FAM135B: variants seen among roughly 807,000 people sequenced by gnomAD.
FAM135B encodes the protein protein FAM135B.
Under a neutral mutation model 127.7 loss-of-function variants are expected in FAM135B, and 43 were observed. The ratio of observed to expected loss-of-function variants is 0.34; its 90% CI spans 0.26 to 0.43. FAM135B has a LOEUF of 0.43. Among genes scored for constraint, FAM135B ranks in the 20% least tolerant of loss-of-function variants. The pLI is 1.00. For synonymous variants in FAM135B, 670 were observed against 665.1 expected, an observed-to-expected ratio of 1.01 and a Z score of -0.11; for missense variants, 1,558 against 1,725.6, an observed-to-expected ratio of 0.90 and a Z score of 1.72.
At chr8:138,223,139 G>T (rs75569723) in intron 7 of FAM135B, among the ~76,000 whole-genome samples, 2,832 of 152,230 alleles carry the variant, frequency 0.019, 74 homozygotes, top group African/African-American at 0.064. Context: ...CCGTTTTCTT[G>T]TTCCGAAATG....
chr8:138,218,297 T>C (rs1818726674), intron 7 of FAM135B, among the ~76,000 whole-genome samples: 1 of 152,190 alleles, frequency 6.6e-6, no homozygotes. Flanking sequence ...AGGAAAAAGA[T>C]GAGAGCTACC....
intron 3 of FAM135B, among the ~76,000 whole-genome samples, chr8:138,284,961 A>T (rs1824553816): frequency 6.6e-6 from 1 of 152,016 alleles, no homozygotes; most frequent in Non-Finnish European, 1.5e-5. Context: ...ACTTTAAAAA[A>T]ATAGTATTAA....
At chr8:138,334,561 A>G (rs1236044361) in intron 2 of FAM135B, among the ~76,000 whole-genome samples, 2 of 151,978 alleles carry the variant, frequency 1.3e-5, no homozygotes, top group Non-Finnish European at 2.9e-5. Context: ...ACCTTCCCAT[A>G]GGGCCCAGTG....
intron 15 of FAM135B, among the ~76,000 whole-genome samples, chr8:138,143,872 A>G (rs1247398585): frequency 6.6e-6 from 1 of 152,198 alleles, no homozygotes; most frequent in Admixed American, 6.5e-5. Flanking sequence ...CTATCCTGTG[A>G]AGAAAGGAGT....
chr8:138,430,502 G>A (rs890227356), intron 1 of FAM135B, among the ~76,000 whole-genome samples: 1 of 152,170 alleles, frequency 6.6e-6, no homozygotes, highest in African/African-American at 2.4e-5. Flanking sequence ...AGGCTGGGAT[G>A]TGCTTCTCTC....
At chr8:138,375,823 C>G (rs1376255109) in intron 1 of FAM135B, among the ~76,000 whole-genome samples, 56 of 152,056 alleles carry the variant, frequency 3.7e-4, no homozygotes, top group Non-Finnish European at 2.9e-5. Context: ...CTTCTCTATT[C>G]CAAAATTGTG....
chr8:138,222,984 G>A (rs955943793), intron 7 of FAM135B, among the ~76,000 whole-genome samples: 11 of 152,138 alleles, frequency 7.2e-5, no homozygotes, highest in Non-Finnish European at 7.4e-5. Context: ...GGGGACATGA[G>A]CCTCCTCCAA....
At chr8:138,380,738 C>T (rs1263077738) in intron 1 of FAM135B, among the ~76,000 whole-genome samples, 1 of 151,168 alleles carries the variant, frequency 6.6e-6, no homozygotes, top group Non-Finnish European at 1.5e-5. Context: ...AGAAAGAACC[C>T]CAAGAGGTTG....
intron 1 of FAM135B, among the ~76,000 whole-genome samples, chr8:138,457,555 G>C (rs1836862292): frequency 6.6e-6 from 1 of 152,154 alleles, no homozygotes; most frequent in Admixed American, 6.5e-5. Flanking sequence ...CTCTCCATCA[G>C]TCACAGGGGA....
chr8:138,436,648 G>A (rs1284433175), intron 1 of FAM135B, among the ~76,000 whole-genome samples: 2 of 152,128 alleles, frequency 1.3e-5, no homozygotes, highest in Non-Finnish European at 2.9e-5. Flanking sequence ...GTCAACATAG[G>A]TGGGCATATT....
intron 1 of FAM135B, among the ~76,000 whole-genome samples, chr8:138,370,270 C>A (rs188933512): frequency 3.3e-5 from 5 of 152,116 alleles, no homozygotes; most frequent in Non-Finnish European, 7.4e-5. Context: ...TTGAAAGATG[C>A]ACCATACCAT....
intron 3 of FAM135B, among the ~76,000 whole-genome samples, chr8:138,280,738 G>C (rs974359783): frequency 1.3e-5 from 2 of 152,166 alleles, no homozygotes; most frequent in Non-Finnish European, 2.9e-5. Flanking sequence ...CAAGAGCACA[G>C]GTTTGGATCG....
Position 138,141,495 on chromosome 8 carries a change from A to T in FAM135B, c.3639-146T>A, listed in dbSNP as rs575836977. ...CAAAGAGAACAGGGACTGCCAACTC[A>T]ACCTCATCAGGTTTCAAAACACTGG... On this transcript the variant is annotated intron_variant, in intron 16 of 19. Coordinates refer to ENST00000395297, the MANE Select transcript of FAM135B (RefSeq NM_015912.4). The surrounding 1 kb of genome is among the most constrained non-coding windows in gnomAD (Gnocchi z 4.7). 2,020 of 798,318 alleles carry T rather than the reference A, an allele frequency of 2.5e-3. 6 individuals carry two copies. The highest frequency in any genetic ancestry group is 3.6e-3 in the Non-Finnish European group (1,766 of 488,638). The allele number at this position is 798,318 out of a possible 1,614,324, so 49.5% of individuals were successfully genotyped here.
intron 3 of FAM135B, among the ~76,000 whole-genome samples, chr8:138,292,941 C>G (rs1825220535): frequency 6.6e-6 from 1 of 151,904 alleles, no homozygotes; most frequent in Non-Finnish European, 1.5e-5. Context: ...CATGAATAGC[C>G]CAAGCTATCC....
intron 1 of FAM135B, among the ~76,000 whole-genome samples, chr8:138,421,210 G>A (rs1438884253): frequency 1.3e-5 from 2 of 152,150 alleles, no homozygotes; most frequent in Non-Finnish European, 2.9e-5. Flanking sequence ...CTACTCAGGA[G>A]GCTGAGGCAG....
At chr8:138,311,283 T>C (rs16908799) in intron 2 of FAM135B, among the ~76,000 whole-genome samples, 3,713 of 152,318 alleles carry the variant, frequency 0.024, 67 homozygotes, top group East Asian at 0.11. Context: ...TTACGCACAG[T>C]GGAGAATCCA....
intron 1 of FAM135B, among the ~76,000 whole-genome samples, chr8:138,429,378 A>T (rs1408746951): frequency 6.6e-6 from 1 of 152,148 alleles, no homozygotes; most frequent in Non-Finnish European, 1.5e-5. Flanking sequence ...CATCACCATT[A>T]TTGCTGCTAT....
At chr8:138,442,502 G>A (rs569278980) in intron 1 of FAM135B, among the ~76,000 whole-genome samples, 1 of 151,830 alleles carries the variant, frequency 6.6e-6, no homozygotes, top group African/African-American at 2.4e-5. Context: ...TAAGACTTAG[G>A]TTAGACCTCG....
At chr8:138,449,054 T>C (rs907056022) in intron 1 of FAM135B, among the ~76,000 whole-genome samples, 2 of 152,334 alleles carry the variant, frequency 1.3e-5, no homozygotes, top group Admixed American at 1.3e-4. Context: ...TTATCTAATA[T>C]GTTTACTATA....
Sources: gnomAD v4.1 joint callset for allele counts (sites outside exome capture counted in the v4.1 genomes callset) on GRCh38, gnomAD v4.1.1 for gene constraint, Gnocchi (gnomAD v3.1) non-coding constraint, MANE v1.5 for transcripts, NCBI Gene and HGNC (gene_info 2026-07-23, HGNC 2026-07-21) for gene names.